EP300: variants seen among roughly 807,000 people sequenced by gnomAD.
The protein encoded by EP300 is histone acetyltransferase p300.
EP300 carries 31 observed loss-of-function variants against 264.0 expected under a neutral mutation model. The ratio of observed to expected loss-of-function variants is 0.12; its 90% CI spans 0.09 to 0.16. EP300 has a LOEUF of 0.16. Among genes scored for constraint, EP300 ranks in the 10% least tolerant of loss-of-function variants. EP300 has a pLI of 1.00. For synonymous variants in EP300, 1,340 were observed against 1,045.4 expected (o/e 1.28, Z -5.44); for missense variants, 2,766 against 3,052.9 (o/e 0.91, Z 2.21).
In EP300 at chr22:41,176,327, C is replaced by T. The variant is rs905777784; in HGVS notation, c.4860C>T (p.Pro1620=). The change falls in exon 30 of 31, where the codon CCC becomes CCT. Residue 1620 remains proline, a synonymous_variant. Coordinates refer to ENST00000263253, the MANE Select transcript of EP300 (RefSeq NM_001429.4). ...TTGTTGATCCTGATCCTCTCATCCC[C>T]TGCGATCTGATGGATGGTCGGGATG... is the stretch of plus-strand genomic sequence containing the variant. ...PPIVDPDPLI[P]CDLMDGRDAF... 6.2e-7 allele frequency: 1 copy of T among 1,614,120 alleles called. No individual in the cohort carries two copies. Among genetic ancestry groups the T allele is most frequent in the African/African-American group, 1.3e-5 (1 of 74,944 alleles).
At chr22:41,110,545 G>A (rs566112129) in intron 1 of EP300, among the ~76,000 whole-genome samples, 19 of 151,524 alleles carry the variant, frequency 1.3e-4, no homozygotes, top group Non-Finnish European at 2.4e-4. Flanking sequence ...CACCCGCCTC[G>A]GCCTCCCAAA....
intron 19 of EP300, 47 bp downstream of exon 19, chr22:41,158,547 A>AG (rs768880997): frequency 6.6e-7 from 1 of 1,509,604 alleles, no homozygotes; most frequent in East Asian, 2.3e-5. Flanking sequence ...CCACATGTCC[A>AG]GGGAGTGCAT....
intron 25 of EP300, chr22:41,169,102 A>G: frequency 1.6e-6 from 1 of 612,646 alleles, no homozygotes; most frequent in Non-Finnish European, 2.9e-6. Context: ...TAGCAACCTG[A>G]AATTGGAATT....
At chr22:41,130,264 A>G (rs1381758537) in intron 5 of EP300, among the ~76,000 whole-genome samples, 1 of 151,772 alleles carries the variant, frequency 6.6e-6, no homozygotes, top group African/African-American at 2.4e-5. Context: ...TAAAAAAAAA[A>G]AAAAAAGAAA....
Position 41,177,832 on chromosome 22 carries a change from C to G in EP300, c.6121C>G (p.Leu2041Val), listed in dbSNP as rs772911697. The G allele has an allele frequency of 6.2e-7, 1 of 1,614,156 alleles. No individual in the cohort carries two copies. The highest frequency in any genetic ancestry group is 2.2e-5 in the East Asian group (1 of 44,888). The change falls in exon 31 of 31, where the codon CTC becomes GTC. Residue 2041 changes from leucine (L) to valine (V), a missense_variant. By Grantham distance (32) the Leu-to-Val change is conservative (BLOSUM62 1). Transcript: ENST00000263253. Reference protein sequence around the residue: ...PGLGQVGISPLKPGTVSQQAL... With the variant: ...PGLGQVGISPVKPGTVSQQAL... ...ATTGGGCCAGGTAGGTATCAGCCCA[C>G]TCAAACCAGGCACTGTGTCTCAACA... is the stretch of plus-strand genomic sequence containing the variant.
At chr22:41,157,560 C>T in intron 18 of EP300, 152 bp downstream of exon 18, 3 of 958,158 alleles carry the variant, frequency 3.1e-6, no homozygotes, top group South Asian at 3.2e-5. Context: ...CTTATTCTCC[C>T]AGGCTGGAGT....
rs1367534806 is a variant in EP300 at position 41,178,949 on chromosome 22, T to A, written c.7238T>A (p.Ile2413Lys). 2 of 1,611,906 alleles carry A rather than the reference T, an allele frequency of 1.2e-6. No individual in the cohort carries two copies. The highest frequency in any genetic ancestry group is 2.2e-5 in the East Asian group (1 of 44,896). Residue 2413 changes from isoleucine (I) to lysine (K), a missense_variant, in exon 31 of 31, where the codon ATA becomes AAA. Physicochemically the swap from Ile to Lys is moderately radical, Grantham distance 102 (BLOSUM62 -3). Coordinates refer to ENST00000263253, the MANE Select transcript of EP300 (RefSeq NM_001429.4). ...NSNLSQSTLD[I>K]H ...AACCTCTCACAGAGTACACTAGACATACACTAGAGACACCTTGTAGTATTT... is the reference window on the plus strand; with the variant it reads ...AACCTCTCACAGAGTACACTAGACAAACACTAGAGACACCTTGTAGTATTT...
chr22:41,168,280 A>T (rs984816693), intron 23 of EP300, 169 bp from the exon 24 acceptor site: 1 of 688,950 alleles, frequency 1.5e-6, no homozygotes, highest in Admixed American at 2.2e-5. Flanking sequence ...CCCTGCACTC[A>T]TATGACATGT....
At chr22:41,105,020 C>T (rs1253459760) in intron 1 of EP300, among the ~76,000 whole-genome samples, 1 of 151,880 alleles carries the variant, frequency 6.6e-6, no homozygotes, top group East Asian at 2.0e-4. Context: ...AAAAAATTAA[C>T]CCCGTCTCTA....
intron 23 of EP300, among the ~76,000 whole-genome samples, chr22:41,167,586 A>ATATATATG (rs2059144176): frequency 1.9e-4 from 1 of 5,232 alleles, no homozygotes; most frequent in Non-Finnish European, 4.4e-4. Flanking sequence ...GTGTGTGTGT[A>ATATATATG]TATATATATA....
At chr22:41,138,008 G>A (rs1019169112) in intron 8 of EP300, among the ~76,000 whole-genome samples, 10 of 152,114 alleles carry the variant, frequency 6.6e-5, no homozygotes, top group Non-Finnish European at 1.5e-4. Flanking sequence ...AGCTTTAATG[G>A]TATGTGAACT....
Position 41,178,845 on chromosome 22 carries a change from C to T in EP300, c.7134C>T (p.Ser2378=), listed in dbSNP as rs2145524235. ...DQNSMLSQLA[S]NPGMANLHGA... ...ATTCAATGCTTTCTCAGCTTGCTAG[C>T]AATCCAGGCATGGCAAACCTCCATG... The change falls in exon 31 of 31, where the codon AGC becomes AGT. Residue 2378 remains serine (S), a synonymous_variant. Coordinates refer to ENST00000263253, the MANE Select transcript of EP300 (RefSeq NM_001429.4). The T allele has an allele frequency of 6.2e-7, 1 of 1,614,206 alleles. No individual in the cohort carries two copies. The highest frequency in any genetic ancestry group is 8.5e-7 in the Non-Finnish European group (1 of 1,180,044).
In EP300 at chr22:41,154,376, CTT is replaced by C. The variant is rs869304891; in HGVS notation, c.3143-597_3143-596del. Among the ~76,000 whole-genome samples, 159 of 61,778 alleles carry C rather than the reference CTT, an allele frequency of 2.6e-3. 3 individuals are homozygous for C. Among genetic ancestry groups the C allele is most frequent in the Admixed American group, 5.2e-3 (15 of 2,884 alleles). The allele number at this position is 61,778 out of a possible 152,430, so 40.5% of individuals were successfully genotyped here. ...TCTTAACACGAGTATCTTGTGCACT[CTT>C]TTTTTTTTTTTTTTTTTTTTTGAGA... is the stretch of plus-strand genomic sequence containing the variant. On this transcript the variant is annotated intron_variant, in intron 16 of 30. Coordinates refer to ENST00000263253, the MANE Select transcript of EP300 (RefSeq NM_001429.4).
chr22:41,137,510 C>T lies in EP300; in HGVS notation c.1623-143C>T, dbSNP rs1352664426. The T allele has an allele frequency of 9.2e-6, 10 of 1,081,218 alleles. No individual in the cohort carries two copies. In the African/African-American group the frequency reaches 1.5e-4, roughly 17 times the overall value. The allele number at this position is 1,081,218 out of a possible 1,614,324, so 67.0% of individuals were successfully genotyped here. On this transcript the variant is annotated intron_variant, in intron 7 of 30. Coordinates refer to ENST00000263253, the MANE Select transcript of EP300 (RefSeq NM_001429.4). ...ACAGTTTAAAATCAGTCTAGTCACA[C>T]ACTTCTCCCTGCCTAGCTCCTTAAT...
intron 1 of EP300, among the ~76,000 whole-genome samples, chr22:41,098,658 A>C (rs1267240714): frequency 6.6e-6 from 1 of 152,340 alleles, no homozygotes; most frequent in South Asian, 2.1e-4. Flanking sequence ...GGCGTGAGCC[A>C]TAGCACCTGG....
intron 6 of EP300, among the ~76,000 whole-genome samples, chr22:41,133,453 C>CT (rs1228299685): frequency 2.6e-5 from 4 of 152,114 alleles, no homozygotes; most frequent in Non-Finnish European, 4.4e-5. Context: ...GCCTGACCCT[C>CT]TAAGATTATT....
chr22:41,164,145 T>C lies in EP300; in HGVS notation c.3806+15T>C. On this transcript the variant is annotated intron_variant, in intron 22 of 30. Coordinates refer to ENST00000263253, the MANE Select transcript of EP300 (RefSeq NM_001429.4). ...TGGCCTGCTGGGTAAGTCTTAACGT[T>C]GTTACTTTCTCTGGAATTTTTCTTT... 1 of 1,612,416 alleles carries C rather than the reference T, an allele frequency of 6.2e-7. No individual in the cohort carries two copies. Among genetic ancestry groups the C allele is most frequent in the Non-Finnish European group, 8.5e-7 (1 of 1,178,448 alleles).
In EP300 at chr22:41,178,781, A is replaced by G. The variant is rs147304540; in HGVS notation, c.7070A>G (p.Asn2357Ser). Residue 2357 changes from asparagine to serine, a missense_variant, in exon 31 of 31, where the codon AAC becomes AGC. Asn to Ser is a conservative substitution (Grantham distance 46, BLOSUM62 1). Coordinates refer to ENST00000263253, the MANE Select transcript of EP300 (RefSeq NM_001429.4). Reference protein sequence around the residue: ...PHPGLVAAQANPMEQGHFASP... With the variant: ...PHPGLVAAQASPMEQGHFASP... Reference sequence around the variant, plus strand: ...CCTGGACTGGTAGCTGCCCAGGCCAACCCCATGGAACAAGGGCATTTTGCC... The same window carrying G: ...CCTGGACTGGTAGCTGCCCAGGCCAGCCCCATGGAACAAGGGCATTTTGCC... 3.1e-6 allele frequency: 5 copies of G among 1,613,910 alleles called. No individual in the cohort carries two copies. In the Admixed American group the frequency reaches 5.0e-5, roughly 16 times the overall value.
intron 1 of EP300, among the ~76,000 whole-genome samples, chr22:41,100,825 G>A (rs1289389589): frequency 6.6e-6 from 1 of 151,984 alleles, no homozygotes; most frequent in African/African-American, 2.4e-5. Context: ...ATTCCCAGCA[G>A]ATACCAAGGG....
Sources: gnomAD v4.1 joint callset for allele counts (sites outside exome capture counted in the v4.1 genomes callset) on GRCh38, gnomAD v4.1.1 for gene constraint, MANE v1.5 for transcripts, NCBI Gene and HGNC (gene_info 2026-07-23, HGNC 2026-07-21) for gene names.